Variants in TWIST2 observed in about 807,000 individuals in gnomAD.
The protein encoded by TWIST2 is twist family bHLH transcription factor 2, also known as twist-related protein 2.
Under a neutral mutation model 11.6 loss-of-function variants are expected in TWIST2, and 1 was observed. That is an observed-to-expected ratio of 0.09 (90% CI 0.03 to 0.41). The LOEUF (loss-of-function observed/expected upper bound fraction) is 0.41, where lower values mean the gene tolerates loss of function less well. Among genes scored for constraint, TWIST2 ranks in the 10% least tolerant of loss-of-function variants. The pLI is 0.98. For synonymous variants in TWIST2, 87 were observed against 96.6 expected (o/e 0.90, Z 0.58); for missense variants, 168 against 226.4 (o/e 0.74, Z 1.66).
intron 1 of TWIST2, among the ~76,000 whole-genome samples, chr2:238,903,086 G>T (rs1395641585): frequency 5.0e-5 from 7 of 140,204 alleles, no homozygotes; most frequent in African/African-American, 2.0e-4. Flanking sequence ...GATGTGGGGT[G>T]TGTGCTGTGG....
intron 1 of TWIST2, among the ~76,000 whole-genome samples, chr2:238,883,185 G>A (rs1574761847): frequency 6.6e-6 from 1 of 152,194 alleles, no homozygotes; most frequent in East Asian, 1.9e-4. Context: ...GACAGCCGCG[G>A]TGTTTATGTG....
intron 1 of TWIST2, among the ~76,000 whole-genome samples, chr2:238,870,262 G>C (rs1196977440): frequency 0.05 from 3 of 60 alleles, no homozygotes; most frequent in African/African-American, 0.11. Flanking sequence ...CCACACACAA[G>C]CCACACACCC....
chr2:238,857,701 C>T (rs1477721732), intron 1 of TWIST2, among the ~76,000 whole-genome samples: 1 of 152,010 alleles, frequency 6.6e-6, no homozygotes, highest in Non-Finnish European at 1.5e-5. Context: ...TTTTGGGAGG[C>T]CAAGGTGGGT....
chr2:238,856,440 T>C (rs1336244140), intron 1 of TWIST2, among the ~76,000 whole-genome samples: 1 of 152,198 alleles, frequency 6.6e-6, no homozygotes, highest in African/African-American at 2.4e-5. Context: ...AATAATATCA[T>C]GTAATTTCAG....
chr2:238,879,606 C>T (rs1692869354), intron 1 of TWIST2, among the ~76,000 whole-genome samples: 2 of 152,218 alleles, frequency 1.3e-5, no homozygotes, highest in Non-Finnish European at 2.9e-5. Flanking sequence ...GCATGCGCTG[C>T]AAATCACTTG....
At chr2:238,870,872 CCA>C (rs1473677451) in intron 1 of TWIST2, among the ~76,000 whole-genome samples, 1 of 65,114 alleles carries the variant, frequency 1.5e-5, no homozygotes, top group Non-Finnish European at 3.1e-5. Flanking sequence ...CCCACACACA[CCA>C]CACACACACC....
rs184594300 is a variant in TWIST2, at chr2:238,852,961, G to C, written c.*35+4228G>C. Among the ~76,000 whole-genome samples the C allele has an allele frequency of 4.0e-3, 603 of 152,198 alleles. 5 individuals carry two copies. Among genetic ancestry groups the C allele is most frequent in the African/African-American group, 0.014 (570 of 41,526 alleles). On this transcript the variant is annotated intron_variant, in intron 1 of 1. Coordinates refer to ENST00000612363, the MANE Select transcript of TWIST2 (RefSeq NM_001271893.4). ...AATTACTACTAAGATTTATCTCAGA[G>C]TAATAAACTAAAAATGTGACTTGAG...
chr2:238,859,068 C>T (rs780562422), intron 1 of TWIST2, among the ~76,000 whole-genome samples: 12 of 151,772 alleles, frequency 7.9e-5, no homozygotes, highest in African/African-American at 1.7e-4. Context: ...AAAAATTAGC[C>T]GGGTGTGGTG....
At chr2:238,874,169 A>G (rs1415045137) in intron 1 of TWIST2, among the ~76,000 whole-genome samples, 1 of 152,154 alleles carries the variant, frequency 6.6e-6, no homozygotes, top group Non-Finnish European at 1.5e-5. Context: ...TCTCCTGAGA[A>G]TTTGGGGACC....
chr2:238,852,251 C>G (rs1393774401), intron 1 of TWIST2, among the ~76,000 whole-genome samples: 1 of 152,032 alleles, frequency 6.6e-6, no homozygotes, highest in Non-Finnish European at 1.5e-5. Context: ...TTTAATAAGC[C>G]AATTTTAAAG....
At chr2:238,903,658 G>GTGTGATGTCGTGTGTGTGTGA (rs1693308892) in intron 1 of TWIST2, among the ~76,000 whole-genome samples, 1 of 66 alleles carries the variant, frequency 0.015, no homozygotes. Context: ...TGTGAGGTGT[G>GTGTGATGTCGTGTGTGTGTGA]TNNNNNNNNN....
At chr2:238,851,704 G>GTTAACAAACT (rs1217802187) in intron 1 of TWIST2, among the ~76,000 whole-genome samples, 5 of 152,250 alleles carry the variant, frequency 3.3e-5, no homozygotes, top group Non-Finnish European at 1.5e-5. Context: ...GCTGTATTCA[G>GTTAACAAACT]GATGCTAGAA....
chr2:238,870,135 C>A lies in TWIST2; in HGVS notation c.*35+21402C>A, dbSNP rs1182206734. On this transcript the variant is annotated intron_variant, in intron 1 of 1. Coordinates refer to ENST00000612363, the MANE Select transcript of TWIST2 (RefSeq NM_001271893.4). Reference sequence around the variant, plus strand: ...ACACCATACACCCCCCACACACACACCACACCCCATACACACCACACCCCA... The same window carrying A: ...ACACCATACACCCCCCACACACACAACACACCCCATACACACCACACCCCA... Among the ~76,000 whole-genome samples, 163 of 76,970 alleles carry A rather than the reference C, an allele frequency of 2.1e-3. 4 individuals are homozygous for A. The highest frequency in any genetic ancestry group is 8.2e-3 in the African/African-American group (138 of 16,754). The allele number at this position is 76,970 out of a possible 152,430, so 50.5% of individuals were successfully genotyped here.
intron 1 of TWIST2, among the ~76,000 whole-genome samples, chr2:238,849,502 A>C (rs1353667987): frequency 3.3e-5 from 5 of 152,146 alleles, no homozygotes; most frequent in Non-Finnish European, 7.4e-5. Context: ...AGGCAGGTGG[A>C]GCTGACCTAG....
At chr2:238,876,868 G>A (rs1692815235) in intron 1 of TWIST2, among the ~76,000 whole-genome samples, 1 of 152,112 alleles carries the variant, frequency 6.6e-6, no homozygotes, top group South Asian at 2.1e-4. Context: ...ATACTAAAAT[G>A]CATCTGAGAA....
chr2:238,884,754 C>T (rs1010901903), intron 1 of TWIST2, among the ~76,000 whole-genome samples: 5 of 152,196 alleles, frequency 3.3e-5, no homozygotes, highest in East Asian at 3.9e-4. Flanking sequence ...AAATGTACCT[C>T]GCAGGCCTCC....
At chr2:238,859,366 A>G (rs1692388373) in intron 1 of TWIST2, among the ~76,000 whole-genome samples, 1 of 152,122 alleles carries the variant, frequency 6.6e-6, no homozygotes, top group Admixed American at 6.6e-5. Context: ...ACAGGCAGAA[A>G]GGAGACTGGA....
chr2:238,859,774 T>C (rs1031133517), intron 1 of TWIST2, among the ~76,000 whole-genome samples: 3 of 152,186 alleles, frequency 2.0e-5, no homozygotes, highest in Non-Finnish European at 4.4e-5. Context: ...TAGTTCCTAA[T>C]GTGTTTATTC....
chr2:238,850,278 A>G (rs1322032301), intron 1 of TWIST2, among the ~76,000 whole-genome samples: 3 of 152,208 alleles, frequency 2.0e-5, no homozygotes, highest in Non-Finnish European at 4.4e-5. Context: ...TCAATCACAT[A>G]TTTCTCTAGG....
Sources: allele counts gnomAD v4.1 joint callset (sites outside exome capture counted in the v4.1 genomes callset), GRCh38; gene constraint gnomAD v4.1.1; transcripts MANE v1.5; gene names NCBI Gene and HGNC (gene_info 2026-07-23, HGNC 2026-07-21).